ANK3: variants seen among roughly 807,000 people sequenced by gnomAD.
The protein encoded by ANK3 is ankyrin 3, also known as ankyrin-3.
Under a neutral mutation model 370.9 loss-of-function variants are expected in ANK3, and 57 were observed. That is an observed-to-expected ratio of 0.15 (90% confidence interval 0.12 to 0.19). The LOEUF (loss-of-function observed/expected upper bound fraction) is 0.19, where lower values mean the gene tolerates loss of function less well. Ranked by LOEUF, ANK3 falls within the 10% of genes least tolerant of loss-of-function variation. The probability of loss-of-function intolerance (pLI) is 1.00; values close to 1 mark genes in which losing one functional copy is unlikely to be tolerated. For synonymous variants in ANK3, 1,929 were observed against 1,946.3 expected, an observed-to-expected ratio of 0.99 and a Z score of 0.23; for missense variants, 4,439 against 5,302.1, an observed-to-expected ratio of 0.84 and a Z score of 5.06.
At chr10:60,659,799 A>T (rs2078912787) in intron 1 of ANK3, among the ~76,000 whole-genome samples, 1 of 152,158 alleles carries the variant, frequency 6.6e-6, no homozygotes, top group African/African-American at 2.4e-5. Context: ...ACAAAGGCAA[A>T]TTAAGATCTA....
intron 8 of ANK3, among the ~76,000 whole-genome samples, chr10:60,226,537 C>CT (rs1286120673): frequency 4.7e-4 from 21 of 44,866 alleles, no homozygotes; most frequent in Non-Finnish European, 7.6e-4. Context: ...AGTATATATA[C>CT]ATAGTATATA....
chr10:60,546,233 A>T (rs1463485511), intron 2 of ANK3, among the ~76,000 whole-genome samples: 1 of 152,072 alleles, frequency 6.6e-6, no homozygotes. Flanking sequence ...ACAGGGTCTC[A>T]CTATGTTGCC....
At chr10:60,515,668 C>T (rs2133171284) in intron 2 of ANK3, among the ~76,000 whole-genome samples, 1 of 152,244 alleles carries the variant, frequency 6.6e-6, no homozygotes, top group Admixed American at 6.5e-5. Flanking sequence ...CAAGTTCCAT[C>T]CTTGCTCGAG....
chr10:60,436,822 T>C (rs1185538580), intron 2 of ANK3, among the ~76,000 whole-genome samples: 1 of 152,142 alleles, frequency 6.6e-6, no homozygotes, highest in East Asian at 1.9e-4. Context: ...GTATAATCTA[T>C]TTTTTTCTCT....
chr10:60,709,393 A>G (rs1054338697), intron 1 of ANK3, among the ~76,000 whole-genome samples: 1 of 152,114 alleles, frequency 6.6e-6, no homozygotes, highest in Non-Finnish European at 1.5e-5. Flanking sequence ...CCCACCCTTG[A>G]GCAATAACAA....
intron 2 of ANK3, among the ~76,000 whole-genome samples, chr10:60,518,920 C>T (rs950940513): frequency 2.6e-5 from 4 of 152,112 alleles, no homozygotes; most frequent in African/African-American, 9.6e-5. Context: ...TGCTGGGAAG[C>T]ACTGGGAGGC....
intron 28 of ANK3, among the ~76,000 whole-genome samples, chr10:60,092,627 A>G (rs193000309): frequency 6.6e-6 from 1 of 152,350 alleles, no homozygotes; most frequent in African/African-American, 2.4e-5. Flanking sequence ...ATTAGAAAAA[A>G]AAGGAACTGC....
intron 1 of ANK3, among the ~76,000 whole-genome samples, chr10:60,725,364 T>G (rs983793938): frequency 2.0e-5 from 3 of 152,162 alleles, no homozygotes; most frequent in African/African-American, 7.2e-5. Context: ...CTTGGACATG[T>G]CCTCTTGGGG....
At chr10:60,269,131 A>T (rs963246696) in intron 5 of ANK3, among the ~76,000 whole-genome samples, 1 of 152,198 alleles carries the variant, frequency 6.6e-6, no homozygotes, top group East Asian at 1.9e-4. Flanking sequence ...TGTTAGAAAT[A>T]AAAAATACTC....
chr10:60,485,116 C>T (rs2075316747), intron 2 of ANK3, among the ~76,000 whole-genome samples: 1 of 152,156 alleles, frequency 6.6e-6, no homozygotes, highest in South Asian at 2.1e-4. Context: ...ACCAGAAAAA[C>T]CTCTTGCTAA....
At chr10:60,236,926 A>G (rs1350420193) in intron 7 of ANK3, among the ~76,000 whole-genome samples, 1 of 152,238 alleles carries the variant, frequency 6.6e-6, no homozygotes, top group Non-Finnish European at 1.5e-5. Context: ...CCATAGGCAC[A>G]TGCAATATGT....
intron 8 of ANK3, among the ~76,000 whole-genome samples, chr10:60,222,037 A>G (rs1395225459): frequency 6.6e-6 from 1 of 152,234 alleles, no homozygotes; most frequent in Non-Finnish European, 1.5e-5. Flanking sequence ...GCAAAGAGCT[A>G]CCTGAAGCAC....
chr10:60,052,309 T>C (rs997677700), intron 42 of ANK3, among the ~76,000 whole-genome samples: 2 of 152,050 alleles, frequency 1.3e-5, no homozygotes, highest in African/African-American at 4.8e-5. Context: ...GCCTGGGCAA[T>C]AGGGCAAGAC....
chr10:60,384,221 T>A (rs965113708), intron 1 of ANK3, among the ~76,000 whole-genome samples: 1 of 152,226 alleles, frequency 6.6e-6, no homozygotes, highest in Admixed American at 6.5e-5. Context: ...CACACTGTTA[T>A]GTTGTCATTA....
intron 1 of ANK3, among the ~76,000 whole-genome samples, chr10:60,627,211 A>G (rs1412870209): frequency 6.6e-6 from 1 of 152,146 alleles, no homozygotes; most frequent in Non-Finnish European, 1.5e-5. Context: ...ATTCATTGAT[A>G]TTAAAGGAAC....
intron 4 of ANK3, among the ~76,000 whole-genome samples, chr10:60,274,314 G>A (rs1445335289): frequency 6.6e-6 from 1 of 152,136 alleles, no homozygotes. Flanking sequence ...AAATGTTTTT[G>A]GTGAGTGTTT....
intron 8 of ANK3, among the ~76,000 whole-genome samples, chr10:60,222,948 G>A (rs1225716403): frequency 6.6e-6 from 1 of 152,142 alleles, no homozygotes; most frequent in Non-Finnish European, 1.5e-5. Context: ...TGGGGGACCT[G>A]TAACTTTTTA....
intron 4 of ANK3, among the ~76,000 whole-genome samples, chr10:60,273,477 CCT>C (rs139733281): frequency 0.05 from 7,659 of 152,124 alleles, 651 homozygotes; most frequent in African/African-American, 0.17. Flanking sequence ...AAAAAGAAGC[CCT>C]CTATACTCCT....
intron 17 of ANK3, among the ~76,000 whole-genome samples, chr10:60,182,637 G>A (rs1157360462): frequency 6.6e-6 from 1 of 152,146 alleles, no homozygotes; most frequent in African/African-American, 2.4e-5. Flanking sequence ...GAGGAAAGGA[G>A]GTAATCAAAG....
Sources: allele counts gnomAD v4.1 joint callset (sites outside exome capture counted in the v4.1 genomes callset), GRCh38; gene constraint gnomAD v4.1.1; transcripts MANE v1.5; gene names NCBI Gene and HGNC (gene_info 2026-07-23, HGNC 2026-07-21).